CCDC171: variants seen among roughly 807,000 people sequenced by gnomAD.
CCDC171 encodes coiled-coil domain containing 171.
In CCDC171, 177 loss-of-function variants were observed where a neutral mutation model predicts 168.2. The observed-to-expected ratio is 1.05, with a 90% CI of 0.93 to 1.19. The LOEUF (loss-of-function observed/expected upper bound fraction) is 1.19, where lower values mean the gene tolerates loss of function less well. Ranked by LOEUF, CCDC171 falls within the 50% of genes most tolerant of loss-of-function variation. CCDC171 has a pLI of 0.00. For missense variants in CCDC171, 1,991 were observed against 1,539.0 expected (o/e 1.29, Z -4.91); for synonymous variants, 687 against 540.8 (o/e 1.27, Z -3.75).
At chr9:15,602,651 T>TC in intron 6 of CCDC171, among the ~76,000 whole-genome samples, 1 of 30,398 alleles carries the variant, frequency 3.3e-5, no homozygotes, top group Non-Finnish European at 6.3e-5. Flanking sequence ...TTTTTTCTTT[T>TC]TTTTTTTTTT....
intron 23 of CCDC171, among the ~76,000 whole-genome samples, chr9:15,865,228 A>G (rs1056909125): frequency 6.6e-6 from 1 of 152,070 alleles, no homozygotes; most frequent in Admixed American, 6.6e-5. Context: ...CCTAGAACCC[A>G]TCATGAAACA....
rs754583849 is a variant in CCDC171, at chr9:15,784,519, C to G, written c.3092C>G (p.Thr1031Ser). 6.2e-6 allele frequency: 10 copies of G among 1,610,978 alleles called. No homozygotes were observed. The highest frequency in any genetic ancestry group is 1.7e-5 in the Admixed American group (1 of 59,866). The change falls in exon 21 of 26, where the codon ACC (threonine) becomes AGC (serine). Residue 1031 changes from threonine (T) to serine (S), a missense_variant. Thr to Ser is a moderately conservative substitution (Grantham distance 58). Coordinates refer to ENST00000380701, the MANE Select transcript of CCDC171 (RefSeq NM_173550.4). Reference protein sequence around the residue: ...LNEFKQSKLITHEKFESACEE... With the variant: ...LNEFKQSKLISHEKFESACEE... ...TCCTCCTTTTTACAGAAATTGATCA[C>G]CCATGAGAAGTTTGAAAGTGCATGT...
chr9:15,907,196 C>T (rs956281810), intron 24 of CCDC171, among the ~76,000 whole-genome samples: 14 of 152,178 alleles, frequency 9.2e-5, no homozygotes, highest in Admixed American at 4.6e-4. Flanking sequence ...GCCCACATTG[C>T]CAAGTCAATC....
At chr9:15,631,087 C>A (rs2045647100) in intron 7 of CCDC171, among the ~76,000 whole-genome samples, 1 of 152,010 alleles carries the variant, frequency 6.6e-6, no homozygotes, top group South Asian at 2.1e-4. Flanking sequence ...CCAAAATTGA[C>A]ACCCTAACAT....
intron 18 of CCDC171, among the ~76,000 whole-genome samples, chr9:15,771,910 G>A (rs538530589): frequency 2.6e-3 from 395 of 152,254 alleles, no homozygotes; most frequent in Non-Finnish European, 4.7e-3. Context: ...TCAGTTCACT[G>A]CAACCTCTGC....
At chr9:15,615,838 G>A (rs1255254371) in intron 6 of CCDC171, among the ~76,000 whole-genome samples, 2 of 151,412 alleles carry the variant, frequency 1.3e-5, no homozygotes, top group African/African-American at 4.9e-5. Flanking sequence ...GAGTGCAGTG[G>A]CATGATCTCA....
At chr9:15,642,101 C>T (rs2046657084) in intron 7 of CCDC171, among the ~76,000 whole-genome samples, 1 of 151,642 alleles carries the variant, frequency 6.6e-6, no homozygotes, top group Non-Finnish European at 1.5e-5. Flanking sequence ...GAGGTGGTTG[C>T]AGTGAGCTGA....
upstream of CCDC171, among the ~76,000 whole-genome samples, chr9:16,040,991 A>G (rs923106333): frequency 2.0e-5 from 3 of 152,196 alleles, no homozygotes; most frequent in African/African-American, 7.2e-5. Context: ...TGTGGGTCAA[A>G]TCTAAGCATC....
chr9:15,797,731 T>C (rs558389829), intron 21 of CCDC171, among the ~76,000 whole-genome samples: 61 of 152,298 alleles, frequency 4.0e-4, no homozygotes, highest in East Asian at 5.8e-4. Flanking sequence ...GTTGATCCTT[T>C]TTATATTTCA....
intron 18 of CCDC171, among the ~76,000 whole-genome samples, chr9:15,764,024 G>C (rs749707380): frequency 6.6e-5 from 10 of 152,132 alleles, no homozygotes; most frequent in Admixed American, 1.3e-4. Context: ...GTTGGGGAAA[G>C]GACATTCTAA....
intron 18 of CCDC171, among the ~76,000 whole-genome samples, chr9:15,752,363 C>G (rs1290111469): frequency 6.6e-6 from 1 of 152,138 alleles, no homozygotes; most frequent in Non-Finnish European, 1.5e-5. Flanking sequence ...GGATCTAGAA[C>G]TAGAAATACC....
intron 21 of CCDC171, among the ~76,000 whole-genome samples, chr9:15,806,078 T>C (rs2059061827): frequency 6.6e-6 from 1 of 152,154 alleles, no homozygotes; most frequent in African/African-American, 2.4e-5. Context: ...CTGTTTTGCA[T>C]TTGCTTGGTA....
chr9:15,646,217 A>C (rs1236639468), intron 7 of CCDC171, among the ~76,000 whole-genome samples: 1 of 152,222 alleles, frequency 6.6e-6, no homozygotes, highest in Admixed American at 6.5e-5. Context: ...TGTCACCACC[A>C]GGCCTGCCTT....
chr9:15,835,225 G>A (rs1156468633), intron 21 of CCDC171, among the ~76,000 whole-genome samples: 1 of 152,066 alleles, frequency 6.6e-6, no homozygotes, highest in African/African-American at 2.4e-5. Flanking sequence ...TCAAAGAGTT[G>A]AATAAATGAT....
rs1169818187 is a variant in CCDC171, at chr9:15,691,544, TTTTA to T, written c.1216-3689_1216-3686del. On this transcript the variant is annotated intron_variant, in intron 10 of 25. Coordinates refer to ENST00000380701, the MANE Select transcript of CCDC171 (RefSeq NM_173550.4). The stretch of plus-strand genomic sequence containing the variant: ...TTAAAAATACCTGTAAATATATGTT[TTTTA>T]TATATATATATATATATATATATGT... Among the ~76,000 whole-genome samples the T allele has an allele frequency of 7.0e-4, 61 of 87,756 alleles. 1 individual carries two copies. The highest frequency in any genetic ancestry group is 2.5e-3 in the African/African-American group (47 of 18,646). The allele number at this position is 87,756 out of a possible 152,430, so 57.6% of individuals were successfully genotyped here. A position where few individuals can be genotyped will look rare whatever the true frequency, so the allele number is the denominator to read the frequency against.
intron 16 of CCDC171, among the ~76,000 whole-genome samples, chr9:15,737,099 A>T (rs1176728491): frequency 6.6e-6 from 1 of 152,056 alleles, no homozygotes; most frequent in South Asian, 2.1e-4. Flanking sequence ...GAGAAACTGA[A>T]GTTTTAATAC....
intron 23 of CCDC171, among the ~76,000 whole-genome samples, chr9:15,858,678 GA>G (rs1315682126): frequency 6.6e-6 from 1 of 151,868 alleles, no homozygotes; most frequent in Non-Finnish European, 1.5e-5. Context: ...TTATAAGTGT[GA>G]TTTTTTTTAG....
Position 15,724,958 on chromosome 9 carries a change from T to C in CCDC171, c.1674T>C (p.Ala558=). ...SESELQKLSQ[A]FHKDAEEKLT... ...GTGAACTGCAGAAGCTTTCCCAGGCTTTCCATAAGGATGCAGAGGTATTAC... is the reference window on the plus strand; with the variant it reads ...GTGAACTGCAGAAGCTTTCCCAGGCCTTCCATAAGGATGCAGAGGTATTAC... Residue 558 remains alanine, a synonymous_variant, in exon 14 of 26, where the codon GCT becomes GCC. Coordinates refer to ENST00000380701, the MANE Select transcript of CCDC171 (RefSeq NM_173550.4). 1 of 1,613,818 alleles carries C rather than the reference T, an allele frequency of 6.2e-7. No homozygotes were observed. Among genetic ancestry groups the C allele is most frequent in the Non-Finnish European group, 8.5e-7 (1 of 1,179,756 alleles).
chr9:15,626,864 A>T (rs201167569), intron 7 of CCDC171, among the ~76,000 whole-genome samples: 12 of 152,054 alleles, frequency 7.9e-5, no homozygotes, highest in African/African-American at 2.7e-4. Flanking sequence ...TCTTTTTCTA[A>T]TGATTGAAAT....
Sources: allele counts gnomAD v4.1 joint callset (sites outside exome capture counted in the v4.1 genomes callset), GRCh38; gene constraint gnomAD v4.1.1; transcripts MANE v1.5; gene names NCBI Gene and HGNC (gene_info 2026-07-23, HGNC 2026-07-21).